TBC1D19: variants seen among roughly 807,000 people sequenced by gnomAD.
TBC1D19 encodes TBC1 domain family member 19, also known as TBC1 domain family, member 19.
TBC1D19 carries 60 observed loss-of-function variants against 89.0 expected under a neutral mutation model. The observed-to-expected ratio is 0.67, with a 90% CI of 0.55 to 0.84. The LOEUF (loss-of-function observed/expected upper bound fraction) is 0.84. Ranked by LOEUF, TBC1D19 falls within the 40% of genes least tolerant of loss-of-function variation. The probability of loss-of-function intolerance (pLI) is 0.00; values close to 1 mark genes in which losing one functional copy is unlikely to be tolerated. For synonymous variants in TBC1D19, 189 were observed against 199.7 expected, an observed-to-expected ratio of 0.95 and a Z score of 0.45; for missense variants, 500 against 610.8, an observed-to-expected ratio of 0.82 and a Z score of 1.91.
chr4:26,835,030 T>C, the TBC1D19 span, among the ~76,000 whole-genome samples: 31,562 of 152,214 alleles, frequency 0.21, 4,365 homozygotes, highest in Non-Finnish European at 0.32. Context: ...GATGTCCACC[T>C]CTTAATCACT....
At chr4:26,789,987 G>A in the TBC1D19 span, among the ~76,000 whole-genome samples, 5 of 152,186 alleles carry the variant, frequency 3.3e-5, no homozygotes, top group African/African-American at 1.2e-4. Context: ...GCTGAATAAT[G>A]TACAGACATA....
At chr4:26,770,785 G>A in the TBC1D19 span, among the ~76,000 whole-genome samples, 4 of 152,054 alleles carry the variant, frequency 2.6e-5, no homozygotes, top group Admixed American at 6.6e-5. Flanking sequence ...TGATTGCAAT[G>A]AGTAATATTA....
chr4:26,768,483 A>G, the TBC1D19 span, among the ~76,000 whole-genome samples: 1 of 152,362 alleles, frequency 6.6e-6, no homozygotes, highest in African/African-American at 2.4e-5. Flanking sequence ...CAGGAAAATT[A>G]GACTCATGAT....
the TBC1D19 span, among the ~76,000 whole-genome samples, chr4:26,845,679 T>A: frequency 6.6e-6 from 1 of 151,916 alleles, no homozygotes; most frequent in African/African-American, 2.4e-5. Flanking sequence ...GAAAAAGAGG[T>A]TTAATGGACT....
chr4:26,618,427 T>C (rs1164932410), intron 3 of TBC1D19, among the ~76,000 whole-genome samples: 1 of 151,924 alleles, frequency 6.6e-6, no homozygotes, highest in East Asian at 1.9e-4. Flanking sequence ...GGCTCAGAGA[T>C]TTAGAAATGG....
At chr4:26,628,598 ATCTAGAAAACCCCACTGTC>A (rs1256771336) in intron 4 of TBC1D19, among the ~76,000 whole-genome samples, 1 of 152,164 alleles carries the variant, frequency 6.6e-6, no homozygotes, top group Non-Finnish European at 1.5e-5. Flanking sequence ...ATAATTGTAT[ATCTAGAAAACCCCACTGTC>A]TCAGCCCAAA....
At chr4:26,620,488 C>A in intron 3 of TBC1D19, 125 bp from the exon 4 acceptor site, 1 of 747,002 alleles carries the variant, frequency 1.3e-6, no homozygotes, top group Non-Finnish European at 2.2e-6. Context: ...TTAATAAAAA[C>A]AGTACATTTT....
intron 13 of TBC1D19, among the ~76,000 whole-genome samples, chr4:26,702,119 T>G (rs2109214190): frequency 6.6e-6 from 1 of 152,282 alleles, no homozygotes; most frequent in Non-Finnish European, 1.5e-5. Flanking sequence ...GGGCATCTGT[T>G]TTAAATGAGA....
intron 13 of TBC1D19, among the ~76,000 whole-genome samples, chr4:26,705,116 TG>T (rs1358345222): frequency 1.5e-5 from 2 of 129,488 alleles, no homozygotes; most frequent in African/African-American, 5.1e-5. Flanking sequence ...TGGATCAACT[TG>T]TTTTTTTTTG....
rs1719189738 is a variant in TBC1D19 at position 26,755,019 on chromosome 4, A to G, written c.*72A>G. 3 of 1,376,856 alleles carry G rather than the reference A, an allele frequency of 2.2e-6. No homozygotes were observed. The highest frequency in any genetic ancestry group is 4.7e-5 in the Admixed American group (2 of 42,550). The allele number at this position is 1,376,856 out of a possible 1,614,324, so 85.3% of individuals were successfully genotyped here. On this transcript the variant is annotated 3_prime_UTR_variant, in exon 21 of 21. Coordinates refer to ENST00000264866, the MANE Select transcript of TBC1D19 (RefSeq NM_018317.4). The stretch of plus-strand genomic sequence containing the variant: ...AAATCATGAACTATGCAAACTCTGC[A>G]TAAAACCAAAATGAAACTTTGCATA...
chr4:26,846,962 C>T, the TBC1D19 span, among the ~76,000 whole-genome samples: 1 of 152,118 alleles, frequency 6.6e-6, no homozygotes, highest in African/African-American at 2.4e-5. Context: ...GATTTCAACC[C>T]TTTAATCTTC....
At chr4:26,675,308 C>T (rs1008066972) in intron 11 of TBC1D19, among the ~76,000 whole-genome samples, 32 of 151,922 alleles carry the variant, frequency 2.1e-4, no homozygotes, top group Non-Finnish European at 3.4e-4. Context: ...AATAACCCCA[C>T]GTAATAATAA....
the TBC1D19 span, among the ~76,000 whole-genome samples, chr4:26,845,628 G>T: frequency 6.6e-6 from 1 of 152,080 alleles, no homozygotes; most frequent in Non-Finnish European, 1.5e-5. Context: ...CTTTTCTCAT[G>T]CTGCTACTAA....
At chr4:26,682,122 G>A (rs1713397013) in intron 11 of TBC1D19, among the ~76,000 whole-genome samples, 2 of 152,046 alleles carry the variant, frequency 1.3e-5, no homozygotes, top group Non-Finnish European at 2.9e-5. Flanking sequence ...TTTAAATAGA[G>A]GCAAACCCCT....
At chr4:26,584,678 C>T (rs1379428361) in intron 1 of TBC1D19, among the ~76,000 whole-genome samples, 1 of 152,168 alleles carries the variant, frequency 6.6e-6, no homozygotes, top group African/African-American at 2.4e-5. Flanking sequence ...CCTTCCCTCA[C>T]TTTTTCCGTC....
At chr4:26,850,495 G>A in the TBC1D19 span, among the ~76,000 whole-genome samples, 1 of 140,836 alleles carries the variant, frequency 7.1e-6, no homozygotes, top group African/African-American at 2.8e-5. Context: ...GCTGCAGTGA[G>A]CCATGATCGT....
chr4:26,668,982 TACATAC>T (rs1223815313), intron 9 of TBC1D19, among the ~76,000 whole-genome samples: 3 of 68,800 alleles, frequency 4.4e-5, no homozygotes, highest in Non-Finnish European at 8.9e-5. Context: ...TTATTTTAAA[TACATAC>T]ACACACACAC....
the TBC1D19 span, among the ~76,000 whole-genome samples, chr4:26,786,123 C>G: frequency 0.25 from 37,318 of 152,084 alleles, 5,725 homozygotes; most frequent in Non-Finnish European, 0.34. Context: ...TGGCTCAGGA[C>G]TTTGGCAAAA....
intron 13 of TBC1D19, among the ~76,000 whole-genome samples, chr4:26,694,588 C>T (rs937494122): frequency 1.2e-4 from 18 of 152,180 alleles, no homozygotes; most frequent in African/African-American, 2.9e-4. Context: ...AACAGACAGA[C>T]GGCCTCCTCA....
Sources: gnomAD v4.1 joint callset for allele counts (sites outside exome capture counted in the v4.1 genomes callset) on GRCh38, gnomAD v4.1.1 for gene constraint, MANE v1.5 for transcripts, NCBI Gene and HGNC (gene_info 2026-07-23, HGNC 2026-07-21) for gene names.